The following NCALD variants were observed in gnomAD, a reference collection of about 807,000 sequenced individuals.
NCALD encodes the protein neurocalcin-delta.
A neutral mutation model predicts 18.6 loss-of-function variants in NCALD; 10 were observed. The ratio of observed to expected loss-of-function variants is 0.54; its 90% CI spans 0.33 to 0.91. NCALD has a LOEUF of 0.91. Ranked by LOEUF, NCALD falls within the 40% of genes least tolerant of loss-of-function variation. The probability of loss-of-function intolerance (pLI) is 0.03; values close to 1 mark genes in which losing one functional copy is unlikely to be tolerated. For missense variants in NCALD, 184 were observed against 247.6 expected, an observed-to-expected ratio of 0.74 and a Z score of 1.72; for synonymous variants, 88 against 87.4, an observed-to-expected ratio of 1.01 and a Z score of -0.04.
intron 1 of NCALD, among the ~76,000 whole-genome samples, chr8:101,782,713 C>G (rs1812066428): frequency 6.6e-6 from 1 of 152,232 alleles, no homozygotes; most frequent in South Asian, 2.1e-4. Flanking sequence ...CAGACGCTCT[C>G]TATCCTTTAG....
chr8:102,096,436 T>C (rs1224376332), intron 1 of NCALD, among the ~76,000 whole-genome samples: 2 of 152,186 alleles, frequency 1.3e-5, no homozygotes, highest in Admixed American at 6.5e-5. Context: ...TCATGCTGAC[T>C]TCCTAGAACT....
intron 4 of NCALD, among the ~76,000 whole-genome samples, chr8:101,863,727 T>C (rs1163227031): frequency 1.3e-5 from 2 of 152,106 alleles, no homozygotes; most frequent in Non-Finnish European, 2.9e-5. Context: ...TAGAAAGCTA[T>C]GGGTGAGAGT....
chr8:101,916,249 C>CA (rs1297626595), intron 2 of NCALD, among the ~76,000 whole-genome samples: 39 of 151,998 alleles, frequency 2.6e-4, no homozygotes, highest in Non-Finnish European at 1.0e-4. Flanking sequence ...TAGGGATATT[C>CA]AAAAAAGAAC....
chr8:101,908,279 A>G (rs1000646846), intron 3 of NCALD, among the ~76,000 whole-genome samples: 5 of 152,290 alleles, frequency 3.3e-5, no homozygotes, highest in Non-Finnish European at 7.4e-5. Flanking sequence ...CCCTTTTGGC[A>G]TCCGGCTTGA....
chr8:101,925,446 T>G (rs977659900), intron 2 of NCALD, among the ~76,000 whole-genome samples: 4 of 152,070 alleles, frequency 2.6e-5, no homozygotes, highest in African/African-American at 9.7e-5. Flanking sequence ...AGTTGAAGGA[T>G]AGACACATAT....
chr8:102,047,151 CT>C (rs57033189), intron 1 of NCALD, among the ~76,000 whole-genome samples: 33,136 of 152,050 alleles, frequency 0.22, 4,044 homozygotes, highest in Non-Finnish European at 0.28. Flanking sequence ...TGATCTCGTT[CT>C]TTTTACATGG....
chr8:102,001,007 C>T (rs55837041), intron 2 of NCALD, among the ~76,000 whole-genome samples: 23,600 of 152,170 alleles, frequency 0.16, 2,508 homozygotes, highest in African/African-American at 0.3. Context: ...TCACCAGCAA[C>T]GGAACAAAGC....
chr8:101,723,653 T>C (rs914032866), intron 1 of NCALD, among the ~76,000 whole-genome samples: 4 of 152,174 alleles, frequency 2.6e-5, no homozygotes, highest in African/African-American at 9.6e-5. Context: ...TTAATATTAG[T>C]TCAATATTTC....
chr8:101,820,880 A>G (rs1449183942), intron 4 of NCALD, among the ~76,000 whole-genome samples: 5 of 152,234 alleles, frequency 3.3e-5, no homozygotes, highest in Non-Finnish European at 5.9e-5. Context: ...ATAGCATGAA[A>G]TGGCAAATAA....
intron 2 of NCALD, among the ~76,000 whole-genome samples, chr8:101,918,533 G>C (rs1818051014): frequency 6.6e-6 from 1 of 152,032 alleles, no homozygotes; most frequent in South Asian, 2.1e-4. Context: ...AATAGGAAAA[G>C]AAGAAATCAA....
intron 2 of NCALD, among the ~76,000 whole-genome samples, chr8:101,706,405 TAG>T (rs770104000): frequency 1.3e-5 from 2 of 152,018 alleles, no homozygotes; most frequent in Non-Finnish European, 1.5e-5. Context: ...AACATCTTAA[TAG>T]AGAGGTCCAT....
At position 101,740,938 on chromosome 8, in the gene NCALD, A is replaced by AT. The variant is rs1457647176; in HGVS notation, c.-19-21291dup. Among the ~76,000 whole-genome samples the AT allele has an allele frequency of 3.3e-5, 5 of 151,868 alleles. No individual in the cohort carries two copies. In the East Asian group the frequency reaches 9.7e-4, roughly 29 times the overall value. On this transcript the variant is annotated intron_variant, in intron 1 of 3. Coordinates refer to ENST00000220931, the MANE Select transcript of NCALD (RefSeq NM_032041.3). ...ATTTAACTTCTATTCAACTATCTTT[A>AT]TTTTTTCTAGTCTAATTACAGCAAA...
intron 4 of NCALD, chr8:101,872,582 G>T (rs904703998): frequency 2.1e-5 from 12 of 567,124 alleles, no homozygotes; most frequent in African/African-American, 1.9e-4. Context: ...AATCGTGCTG[G>T]GGAATTCAGA....
chr8:101,704,921 AAAAAAAT>A (rs530088899), intron 2 of NCALD, among the ~76,000 whole-genome samples: 1,761 of 150,736 alleles, frequency 0.012, 26 homozygotes, highest in African/African-American at 0.04. Flanking sequence ...ACTCCGTGTC[AAAAAAAT>A]AAAAAATAAA....
At chr8:101,755,668 A>G (rs552574777) in intron 1 of NCALD, among the ~76,000 whole-genome samples, 2 of 152,352 alleles carry the variant, frequency 1.3e-5, no homozygotes, top group African/African-American at 4.8e-5. Flanking sequence ...TTAAAAAGCC[A>G]GGGAAATACA....
intron 3 of NCALD, among the ~76,000 whole-genome samples, chr8:101,889,804 G>A (rs1319605018): frequency 2.0e-5 from 3 of 152,172 alleles, no homozygotes; most frequent in African/African-American, 7.2e-5. Flanking sequence ...AGATAACAGG[G>A]TTCTCATGAA....
chr8:101,735,802 T>C (rs1379748139), intron 1 of NCALD, among the ~76,000 whole-genome samples: 1 of 152,242 alleles, frequency 6.6e-6, no homozygotes, highest in African/African-American at 2.4e-5. Context: ...AGGATTATAT[T>C]GATCTACGCT....
intron 1 of NCALD, among the ~76,000 whole-genome samples, chr8:101,729,388 G>C (rs980620847): frequency 6.6e-6 from 1 of 152,216 alleles, no homozygotes; most frequent in Non-Finnish European, 1.5e-5. Context: ...GCTAAGATGA[G>C]CCAGTGTAAG....
intron 2 of NCALD, among the ~76,000 whole-genome samples, chr8:101,708,287 C>T (rs748181855): frequency 1.2e-4 from 19 of 152,128 alleles, no homozygotes; most frequent in Non-Finnish European, 1.9e-4. Flanking sequence ...TGATCTCTGC[C>T]GGTAAAGACA....
Sources: gnomAD v4.1 joint callset for allele counts (sites outside exome capture counted in the v4.1 genomes callset) on GRCh38, gnomAD v4.1.1 for gene constraint, MANE v1.5 for transcripts, NCBI Gene and HGNC (gene_info 2026-07-23, HGNC 2026-07-21) for gene names.